USH2A: variants seen among roughly 807,000 people sequenced by gnomAD.
The protein encoded by USH2A is usherin.
USH2A carries 443 observed loss-of-function variants against 538.9 expected under a neutral mutation model. That is an observed-to-expected ratio of 0.82 (90% CI 0.76 to 0.89). The LOEUF (loss-of-function observed/expected upper bound fraction) is 0.89. Among genes scored for constraint, USH2A ranks in the 40% least tolerant of loss-of-function variants. The pLI is 0.00. For missense variants in USH2A, 6,633 were observed against 6,324.8 expected, an observed-to-expected ratio of 1.05 and a Z score of -1.65; for synonymous variants, 2,413 against 2,273.5, an observed-to-expected ratio of 1.06 and a Z score of -1.75.
Position 215,813,861 on chromosome 1 carries a change from C to G in USH2A, c.9614G>C (p.Arg3205Pro). 1 of 1,613,800 alleles carries G rather than the reference C, an allele frequency of 6.2e-7. No individual in the cohort carries two copies. The highest frequency in any genetic ancestry group is 1.7e-4 in the Middle Eastern group (1 of 6,058). The change falls in exon 49 of 72, where the codon CGC becomes CCC. Residue 3205 changes from arginine to proline, a missense_variant. Coordinates refer to ENST00000307340, the MANE Select transcript of USH2A (RefSeq NM_206933.4). ...CGGGATATACTTTTCTTCACAACAG[C>G]GATGTCCAGGCTTGGGGTTATAGAG... ...GVLYNPKPGHRCCEEKYIPFV... is the reference protein window; with the variant it reads ...GVLYNPKPGHPCCEEKYIPFV...
At chr1:216,319,971 A>C (rs2037575241) in intron 9 of USH2A, among the ~76,000 whole-genome samples, 1 of 152,196 alleles carries the variant, frequency 6.6e-6, no homozygotes, top group Admixed American at 6.6e-5. Context: ...CACAAGTCAT[A>C]CATGAGTGTA....
At chr1:216,211,117 C>G (rs530063977) in intron 15 of USH2A, among the ~76,000 whole-genome samples, 2 of 152,068 alleles carry the variant, frequency 1.3e-5, no homozygotes, top group Non-Finnish European at 2.9e-5. Context: ...CCCCTTTCCA[C>G]GTATCTTGTC....
intron 9 of USH2A, among the ~76,000 whole-genome samples, chr1:216,316,914 C>T (rs903373496): frequency 6.6e-6 from 1 of 152,088 alleles, no homozygotes; most frequent in Non-Finnish European, 1.5e-5. Flanking sequence ...GGTTCTTTGC[C>T]CAGTTTTTAA....
chr1:216,353,479 A>C (rs1455707880), intron 4 of USH2A, among the ~76,000 whole-genome samples: 1 of 152,164 alleles, frequency 6.6e-6, no homozygotes, highest in Non-Finnish European at 1.5e-5. Context: ...AAACAGATAT[A>C]AAAGTTAAGA....
At chr1:216,361,040 C>T (rs1171274878) in intron 4 of USH2A, among the ~76,000 whole-genome samples, 1 of 151,616 alleles carries the variant, frequency 6.6e-6, no homozygotes, top group East Asian at 1.9e-4. Flanking sequence ...ATATTTTGGC[C>T]CAAGTATAGA....
chr1:216,145,118 C>T (rs2102614404), intron 21 of USH2A, among the ~76,000 whole-genome samples: 1 of 152,282 alleles, frequency 6.6e-6, no homozygotes, highest in South Asian at 2.1e-4. Flanking sequence ...TACTTTCTCA[C>T]CCGCCCCCAC....
chr1:216,368,494 C>T (rs2038641797), intron 3 of USH2A, among the ~76,000 whole-genome samples: 2 of 152,132 alleles, frequency 1.3e-5, no homozygotes, highest in South Asian at 2.1e-4. Flanking sequence ...GAATTTGTTA[C>T]TGGACAAATG....
In USH2A at chr1:216,422,426, T is replaced by C. The variant is rs2039695604; in HGVS notation, c.-90A>G. On this transcript the variant is annotated 5_prime_UTR_variant, in exon 2 of 72. Transcript: ENST00000307340. Reference sequence around the variant, plus strand: ...TTGCCAGCAATACTTTGAAGCAGGGTACTTTAAGTGATGTTGCGATACTCC... The same window carrying C: ...TTGCCAGCAATACTTTGAAGCAGGGCACTTTAAGTGATGTTGCGATACTCC... 6.3e-7 allele frequency: 1 copy of C among 1,579,672 alleles called. No individual in the cohort carries two copies. The highest frequency in any genetic ancestry group is 1.1e-5 in the South Asian group (1 of 88,160).
chr1:216,161,691 T>A (rs1042070211), intron 21 of USH2A, among the ~76,000 whole-genome samples: 8 of 152,238 alleles, frequency 5.3e-5, no homozygotes, highest in Non-Finnish European at 7.4e-5. Context: ...ATTTTTATAA[T>A]GCCAGTCTTT....
At chr1:216,137,645 T>C (rs1278834796) in intron 21 of USH2A, among the ~76,000 whole-genome samples, 1 of 152,030 alleles carries the variant, frequency 6.6e-6, no homozygotes, top group Non-Finnish European at 1.5e-5. Flanking sequence ...GCTAGGCCAG[T>C]CTCTCTTTTC....
intron 16 of USH2A, chr1:216,201,505 G>A (rs1028987982): frequency 2.6e-5 from 4 of 152,278 alleles, no homozygotes; most frequent in Non-Finnish European, 5.9e-5. Flanking sequence ...GTAGAGATAG[G>A]GTTGCACCAT....
intron 11 of USH2A, among the ~76,000 whole-genome samples, chr1:216,253,159 T>A (rs1020196209): frequency 6.6e-6 from 1 of 151,816 alleles, no homozygotes; most frequent in Non-Finnish European, 1.5e-5. Flanking sequence ...TTCTTTTTTT[T>A]TTTTTTGAGA....
intron 3 of USH2A, among the ~76,000 whole-genome samples, chr1:216,399,586 G>C (rs2039273657): frequency 6.6e-6 from 1 of 152,078 alleles, no homozygotes; most frequent in Admixed American, 6.5e-5. Context: ...AGGGTTACTT[G>C]ACACTCCATT....
intron 69 of USH2A, among the ~76,000 whole-genome samples, chr1:215,635,585 T>C (rs1656455418): frequency 6.6e-6 from 1 of 151,064 alleles, no homozygotes; most frequent in Admixed American, 6.6e-5. Flanking sequence ...AGATGGAGTC[T>C]TGCTCTGTCA....
At chr1:216,072,746 G>T in intron 29 of USH2A, 143 bp downstream of exon 29, 4 of 776,748 alleles carry the variant, frequency 5.1e-6, no homozygotes, top group Non-Finnish European at 9.0e-6. Flanking sequence ...GCCATTGACA[G>T]ATGTATTTTC....
intron 24 of USH2A, among the ~76,000 whole-genome samples, chr1:216,086,352 A>G (rs543213692): frequency 2.7e-4 from 41 of 152,274 alleles, no homozygotes; most frequent in Non-Finnish European, 1.9e-4. Flanking sequence ...CACCCTATTT[A>G]GAGTATAAAT....
chr1:216,385,879 G>A (rs573625059), intron 3 of USH2A, among the ~76,000 whole-genome samples: 3 of 152,220 alleles, frequency 2.0e-5, no homozygotes, highest in Admixed American at 6.5e-5. Context: ...CCCAAACCTG[G>A]AATTCTTCTC....
At chr1:215,762,764 G>T (rs1661017058) in intron 56 of USH2A, among the ~76,000 whole-genome samples, 2 of 152,080 alleles carry the variant, frequency 1.3e-5, no homozygotes, top group South Asian at 2.1e-4. Flanking sequence ...ATATAATAAG[G>T]GAGCAAACTG....
intron 3 of USH2A, among the ~76,000 whole-genome samples, chr1:216,394,864 G>A (rs933445558): frequency 4.6e-5 from 7 of 151,388 alleles, no homozygotes; most frequent in Non-Finnish European, 8.8e-5. Flanking sequence ...GACTACAGGC[G>A]CCCGCCACCA....
Sources: allele counts gnomAD v4.1 joint callset (sites outside exome capture counted in the v4.1 genomes callset), GRCh38; gene constraint gnomAD v4.1.1; transcripts MANE v1.5; gene names NCBI Gene and HGNC (gene_info 2026-07-23, HGNC 2026-07-21).